PPFIA3: variants seen among roughly 807,000 people sequenced by gnomAD.
PPFIA3 encodes PPFI scaffold protein A3.
A neutral mutation model predicts 145.8 loss-of-function variants in PPFIA3; 26 were observed. That is an observed-to-expected ratio of 0.18 (90% CI 0.13 to 0.25). The LOEUF (loss-of-function observed/expected upper bound fraction) is 0.25, where lower values mean the gene tolerates loss of function less well. Ranked by LOEUF, PPFIA3 falls within the 10% of genes least tolerant of loss-of-function variation. PPFIA3 has a pLI of 1.00. For synonymous variants in PPFIA3, 645 were observed against 661.4 expected (o/e 0.98, Z 0.38); for missense variants, 1,008 against 1,587.8 (o/e 0.63, Z 6.21).
Position 49,135,882 on chromosome 19 carries a change from A to G in PPFIA3, c.1624A>G (p.Lys542Glu). The stretch of plus-strand genomic sequence containing the variant: ...TGTGGCTGGCAGTGGTCGGGCAGGC[A>G]AGAGGGGCCGCTGGTCAGGGGTCAA... ...PYVAGSGRAG[K>E]RGRWSGVKEE... Residue 542 changes from lysine (K) to glutamate (E), a missense_variant, in exon 14 of 30, where the codon AAG becomes GAG. Lys to Glu is a moderately conservative substitution (Grantham distance 56). Transcript: ENST00000334186. 1 of 1,613,428 alleles carries G rather than the reference A, an allele frequency of 6.2e-7. No individual in the cohort carries two copies. The highest frequency in any genetic ancestry group is 8.5e-7 in the Non-Finnish European group (1 of 1,179,706).
chr19:49,141,599 TGA>T (rs1425409237), intron 19 of PPFIA3, 86 bp downstream of exon 19: 3 of 1,049,370 alleles, frequency 2.9e-6, no homozygotes, highest in South Asian at 1.5e-5. Context: ...TGTGTGTGTA[TGA>T]GTGTGTGTGT....
Position 49,149,966 on chromosome 19 carries a change from T to C in PPFIA3, c.3527-114T>C, listed in dbSNP as rs895975462. Reference sequence around the variant, plus strand: ...GCTGCGGGGAAGGGAGGGAAACCCATGTGGAGCCCGGCGATCGTTGTGACA... The same window carrying C: ...GCTGCGGGGAAGGGAGGGAAACCCACGTGGAGCCCGGCGATCGTTGTGACA... On this transcript the variant is annotated intron_variant, in intron 28 of 29. Coordinates refer to ENST00000334186, the MANE Select transcript of PPFIA3 (RefSeq NM_003660.4). This position sits in a 1 kb window ranked among gnomAD's most constrained non-coding sequence, Gnocchi z 5.7. 3.8e-6 allele frequency: 5 copies of C among 1,313,940 alleles called. No homozygotes were observed. Among genetic ancestry groups the C allele is most frequent in the African/African-American group, 1.5e-5 (1 of 68,724 alleles). 81.4% of individuals were successfully genotyped at this position (1,313,940 alleles called of 1,614,324 possible).
At position 49,128,083 on chromosome 19, in the gene PPFIA3, G is replaced by C. The variant is rs766631106; in HGVS notation, c.210G>C (p.Leu70=). The C allele has an allele frequency of 5.0e-6, 8 of 1,584,808 alleles. No individual in the cohort carries two copies. The Admixed American group carries it at 5.1e-5, about 10-fold the overall frequency. ...AGCTCGGCCACGAGAAGGACTCGCT[G>C]CAGCGCCAGCTCAGCATCGCGCTGC... ...LRELGHEKDS[L]QRQLSIALPQ... is the part of the protein sequence containing the mutation. Residue 70 remains leucine (L), a synonymous_variant, in exon 2 of 30, where the codon CTG becomes CTC. Transcript: ENST00000334186. This position sits in a 1 kb window ranked among gnomAD's most constrained non-coding sequence, Gnocchi z 4.1.
Position 49,125,845 on chromosome 19 carries a change from G to A in PPFIA3, c.-15-2014G>A, listed in dbSNP as rs545476247. Among the ~76,000 whole-genome samples, 11 of 152,288 alleles carry A rather than the reference G, an allele frequency of 7.2e-5. No homozygotes were observed. In the East Asian group the frequency reaches 1.9e-3, roughly 27 times the overall value. On this transcript the variant is annotated intron_variant, in intron 1 of 29. Coordinates refer to ENST00000334186, the MANE Select transcript of PPFIA3 (RefSeq NM_003660.4). ...GGGTCTTAGACTCCTGTGACCTGAG[G>A]GAGGCGGGAGCTAGTTCTTGGACTT...
intron 7 of PPFIA3, 24 bp from the exon 8 acceptor site, chr19:49,132,977 C>A (rs951796889): frequency 8.1e-6 from 13 of 1,604,604 alleles, no homozygotes; most frequent in Non-Finnish European, 1.1e-5. Flanking sequence ...TCGCAGTCCA[C>A]GGGGCCCTTT....
chr19:49,129,726 T>G (rs1379977611), intron 5 of PPFIA3, among the ~76,000 whole-genome samples: 1 of 151,998 alleles, frequency 6.6e-6, no homozygotes, highest in Non-Finnish European at 1.5e-5. Context: ...AGGAAGTGAT[T>G]GAATGGGGAA....
chr19:49,121,702 G>A (rs1162794744), intron 1 of PPFIA3, among the ~76,000 whole-genome samples: 2 of 151,394 alleles, frequency 1.3e-5, no homozygotes, highest in East Asian at 2.0e-4. Context: ...TTTGAACCCC[G>A]GAGGCGGAGG....
chr19:49,151,014 AC>A lies in PPFIA3; in HGVS notation c.*793del, dbSNP rs1437789277. 3.2e-6 allele frequency: 1 copy of A among 314,992 alleles called. No individual in the cohort carries two copies. Among genetic ancestry groups the A allele is most frequent in the East Asian group, 4.7e-5 (1 of 21,236 alleles). The allele number at this position is 314,992 out of a possible 1,614,324, so 19.5% of individuals were successfully genotyped here. On this transcript the variant is annotated 3_prime_UTR_variant, in exon 30 of 30. Coordinates refer to ENST00000334186, the MANE Select transcript of PPFIA3 (RefSeq NM_003660.4). Reference sequence around the variant, plus strand: ...CACTCAGTGATCACGGGTAAAGAGAACTGTTTCAAAAAGCTTCCTTGTTGAC... The same window carrying A: ...CACTCAGTGATCACGGGTAAAGAGAATGTTTCAAAAAGCTTCCTTGTTGAC...
At chr19:49,138,093 C>A (rs1446358034) in intron 15 of PPFIA3, 112 bp from the exon 16 acceptor site, 2 of 1,411,658 alleles carry the variant, frequency 1.4e-6, no homozygotes, top group Non-Finnish European at 1.9e-6. Flanking sequence ...ATTGCACCGT[C>A]CCCAGAATTC....
In PPFIA3 at chr19:49,142,890, G is replaced by C. The variant is rs765601847; in HGVS notation, c.2631G>C (p.Thr877=). Residue 877 remains threonine (T), a synonymous_variant, in exon 21 of 30, where the codon ACG becomes ACC. Coordinates refer to ENST00000334186, the MANE Select transcript of PPFIA3 (RefSeq NM_003660.4). ...SGAIMANLSD[T]EIQREIGISN... is the part of the protein sequence containing the mutation. Reference sequence around the variant, plus strand: ...CCATCATGGCCAACCTGTCAGACACGGAGATCCAGCGCGAGATCGGCATCA... The same window carrying C: ...CCATCATGGCCAACCTGTCAGACACCGAGATCCAGCGCGAGATCGGCATCA... 1.2e-6 allele frequency: 2 copies of C among 1,613,920 alleles called. No homozygotes were observed. Among genetic ancestry groups the C allele is most frequent in the East Asian group, 2.2e-5 (1 of 44,844 alleles).
intron 28 of PPFIA3, 51 bp from the exon 29 acceptor site, chr19:49,150,029 G>A (rs774456182): frequency 1.1e-5 from 17 of 1,564,812 alleles, no homozygotes; most frequent in Non-Finnish European, 1.5e-5. Flanking sequence ...TCCTGGAGAG[G>A]AACAGGGAGG....
intron 4 of PPFIA3, 40 bp from the exon 5 acceptor site, chr19:49,129,340 T>A (rs117665044): frequency 3.2e-6 from 5 of 1,545,054 alleles, no homozygotes; most frequent in Non-Finnish European, 2.6e-6. Flanking sequence ...CTAAACTGGA[T>A]CTTGTCTCCA....
In PPFIA3 at chr19:49,130,834, T is replaced by G. The variant is rs2041060492; in HGVS notation, c.879+235T>G. ...TCGTAATTACTTTGTTACCTAACTT[T>G]GGGTTCTTCTCTGGTGCCTCTAAAT... On this transcript the variant is annotated intron_variant, in intron 7 of 29. Transcript: ENST00000334186. This position sits in a 1 kb window ranked among gnomAD's most constrained non-coding sequence, Gnocchi z 4.5. Among the ~76,000 whole-genome samples, 1 of 152,144 alleles carries G rather than the reference T, an allele frequency of 6.6e-6. No individual in the cohort carries two copies. Among genetic ancestry groups the G allele is most frequent in the Non-Finnish European group, 1.5e-5 (1 of 68,030 alleles).
At chr19:49,144,777 A>G (rs1309667505) in intron 21 of PPFIA3, among the ~76,000 whole-genome samples, 1 of 152,028 alleles carries the variant, frequency 6.6e-6, no homozygotes, top group Admixed American at 6.6e-5. Context: ...GGGGATGCTC[A>G]GAGACCTGTA....
At chr19:49,129,101 G>T in intron 4 of PPFIA3, 89 bp downstream of exon 4, 4 of 1,372,116 alleles carry the variant, frequency 2.9e-6, no homozygotes, top group Non-Finnish European at 3.9e-6. Flanking sequence ...GCCGTGATTG[G>T]TTGGGGATGT....
intron 1 of PPFIA3, among the ~76,000 whole-genome samples, chr19:49,119,996 C>T (rs1010412084): frequency 3.3e-5 from 5 of 152,028 alleles, no homozygotes; most frequent in African/African-American, 1.2e-4. Flanking sequence ...CCTCCTAGAG[C>T]CTAGATCCCC....
chr19:49,135,171 A>T (rs966144853), intron 13 of PPFIA3, among the ~76,000 whole-genome samples: 1 of 150,506 alleles, frequency 6.6e-6, no homozygotes, highest in Non-Finnish European at 1.5e-5. Context: ...CCTCCCAAGT[A>T]GCTGGGACTA....
At chr19:49,146,651 C>T (rs555353181) in intron 23 of PPFIA3, among the ~76,000 whole-genome samples, 3 of 152,102 alleles carry the variant, frequency 2.0e-5, no homozygotes, top group Non-Finnish European at 2.9e-5. Flanking sequence ...AAGAGGCGGC[C>T]GGGCGCAGTG....
chr19:49,120,818 T>C lies in PPFIA3; in HGVS notation c.-16+1096T>C, dbSNP rs1239582309. On this transcript the variant is annotated intron_variant, in intron 1 of 29. Transcript: ENST00000334186. The surrounding 1 kb of genome is among the most constrained non-coding windows in gnomAD (Gnocchi z 4.6). ...GGAGTTCAGACCCCAGCTTCCGTAC[T>C]GCCCACCAGCTTTTACTGAGGCTGT... 6.6e-6 allele frequency among the ~76,000 whole-genome samples: 1 copy of C among 152,198 alleles called. No homozygotes were observed. The highest frequency in any genetic ancestry group is 1.9e-4 in the East Asian group (1 of 5,186).
Sources: gnomAD v4.1 joint callset for allele counts (sites outside exome capture counted in the v4.1 genomes callset) on GRCh38, gnomAD v4.1.1 for gene constraint, Gnocchi (gnomAD v3.1) non-coding constraint, MANE v1.5 for transcripts, NCBI Gene and HGNC (gene_info 2026-07-23, HGNC 2026-07-21) for gene names.